Variants in TUBGCP3 observed in about 807,000 individuals in gnomAD.
TUBGCP3 encodes tubulin gamma complex component 3, also known as gamma-tubulin complex component 3.
In TUBGCP3, 50 loss-of-function variants were observed where a neutral mutation model predicts 123.1. That is an observed-to-expected ratio of 0.41 (90% CI 0.32 to 0.51). The LOEUF is 0.51. Among genes scored for constraint, TUBGCP3 ranks in the 20% least tolerant of loss-of-function variants. The pLI is 0.36. For missense variants in TUBGCP3, 882 were observed against 1,127.0 expected (o/e 0.78, Z 3.11); for synonymous variants, 405 against 413.9 (o/e 0.98, Z 0.26).
At chr13:112,544,924 C>T (rs541214799) in intron 11 of TUBGCP3, 1 of 152,348 alleles carries the variant, frequency 6.6e-6, no homozygotes, top group African/African-American at 2.4e-5. Context: ...CCATGAGAAA[C>T]GGCAGGAGAA....
chr13:112,590,745 T>C (rs186955774), upstream of TUBGCP3, among the ~76,000 whole-genome samples: 145 of 152,358 alleles, frequency 9.5e-4, 2 homozygotes, highest in East Asian at 9.6e-4. Context: ...ATTTCCATTG[T>C]GCCTATCACC....
chr13:112,592,631 G>A (rs1925888), upstream of TUBGCP3, among the ~76,000 whole-genome samples: 25,674 of 152,236 alleles, frequency 0.17, 3,379 homozygotes, highest in African/African-American at 0.36. The surrounding 1 kb of genome is among the most constrained non-coding windows in gnomAD (Gnocchi z 4.1). Context: ...AGTGCTGAAT[G>A]CAAAGTCAGA....
At chr13:112,572,657 C>T (rs1401484844) in intron 1 of TUBGCP3, among the ~76,000 whole-genome samples, 2 of 152,156 alleles carry the variant, frequency 1.3e-5, no homozygotes, top group African/African-American at 4.8e-5. Context: ...AACAGCTGGT[C>T]GGCAGAGTAG....
intron 3 of TUBGCP3, among the ~76,000 whole-genome samples, chr13:112,562,210 C>T (rs1000144822): frequency 6.6e-6 from 1 of 151,800 alleles, no homozygotes; most frequent in Non-Finnish European, 1.5e-5. Context: ...CAGCCAGGAC[C>T]CACTAGGGAC....
rs73566333 is a variant in TUBGCP3 at position 112,502,340 on chromosome 13, A to G, written c.2307+1692T>C. On this transcript the variant is annotated intron_variant, in intron 19 of 21. Coordinates refer to ENST00000261965, the MANE Select transcript of TUBGCP3 (RefSeq NM_006322.6). ...CGTGAGACAGGCCGTGCTGGCCAAC[A>G]GCACACGGGTCTAGGAACAGAGAGC... Among the ~76,000 whole-genome samples the G allele has an allele frequency of 9.2e-3, 1,401 of 152,236 alleles. 18 individuals are homozygous for G. Among genetic ancestry groups the G allele is most frequent in the African/African-American group, 0.032 (1,331 of 41,536 alleles).
At chr13:112,514,485 T>G (rs558233516) in intron 17 of TUBGCP3, among the ~76,000 whole-genome samples, 2 of 152,256 alleles carry the variant, frequency 1.3e-5, no homozygotes, top group East Asian at 3.9e-4. Context: ...GACCCCATCT[T>G]AAAAATAAAA....
chr13:112,537,870 C>T (rs530483463), intron 11 of TUBGCP3, among the ~76,000 whole-genome samples: 4 of 152,154 alleles, frequency 2.6e-5, no homozygotes, highest in South Asian at 4.2e-4. Context: ...TTTGGTAGTC[C>T]GTATGCTTCT....
Position 112,495,285 on chromosome 13 carries a change from TAAC to T in TUBGCP3, c.2448+3757_2448+3759del, listed in dbSNP as rs572871231. On this transcript the variant is annotated intron_variant, in intron 20 of 21. Coordinates refer to ENST00000261965, the MANE Select transcript of TUBGCP3 (RefSeq NM_006322.6). Reference sequence around the variant, plus strand: ...TAGTTTCTACACAACCAGACTTTTGTAACAACAACAAAATGCCAGCTTTCCTTC... The same window carrying T: ...TAGTTTCTACACAACCAGACTTTTGTAACAACAAAATGCCAGCTTTCCTTC... Among the ~76,000 whole-genome samples the T allele has an allele frequency of 3.2e-3, 493 of 152,326 alleles. 2 individuals carry two copies. Among genetic ancestry groups the T allele is most frequent in the Non-Finnish European group, 5.6e-3 (384 of 68,022 alleles).
the TUBGCP3 span, among the ~76,000 whole-genome samples, chr13:112,599,016 A>T: frequency 1.3e-5 from 2 of 152,112 alleles, no homozygotes; most frequent in African/African-American, 4.8e-5. Context: ...AAAGAAAGAA[A>T]AATGAACATA....
At chr13:112,566,964 A>T (rs1193710442) in intron 2 of TUBGCP3, among the ~76,000 whole-genome samples, 1 of 152,246 alleles carries the variant, frequency 6.6e-6, no homozygotes, top group Non-Finnish European at 1.5e-5. Flanking sequence ...ACTTCTCCAT[A>T]TTATTCCAAA....
At position 112,499,199 on chromosome 13, in the gene TUBGCP3, CAA is replaced by C; in HGVS notation, c.2308-16_2308-15del. On this transcript the variant is annotated splice_polypyrimidine_tract_variant and intron_variant, in intron 19 of 21. Coordinates refer to ENST00000261965, the MANE Select transcript of TUBGCP3 (RefSeq NM_006322.6). ...ATTTAAAAGTGCCTGAAAGAGATGA[CAA>C]TGTTTTATGAATAGAGCCTCAACCA... 2 of 1,593,932 alleles carry C rather than the reference CAA, an allele frequency of 1.3e-6. No individual in the cohort carries two copies. The highest frequency in any genetic ancestry group is 1.7e-6 in the Non-Finnish European group (2 of 1,172,046).
intron 8 of TUBGCP3, among the ~76,000 whole-genome samples, chr13:112,550,387 G>A (rs374812733): frequency 6.6e-6 from 1 of 152,108 alleles, no homozygotes; most frequent in South Asian, 2.1e-4. Context: ...TAAGACAAAT[G>A]TGAACATTTT....
At chr13:112,522,936 G>GT (rs1326986801) in intron 13 of TUBGCP3, among the ~76,000 whole-genome samples, 2 of 152,302 alleles carry the variant, frequency 1.3e-5, no homozygotes, top group African/African-American at 2.4e-5. Flanking sequence ...TTGAGTAGTA[G>GT]TATCATGCAC....
At chr13:112,522,175 T>G (rs1214318000) in intron 14 of TUBGCP3, 145 bp downstream of exon 14, 2 of 867,424 alleles carry the variant, frequency 2.3e-6, no homozygotes, top group African/African-American at 3.4e-5. Context: ...TTTGAAAATT[T>G]TACATTCTTT....
At chr13:112,498,449 T>A (rs1033537007) in intron 20 of TUBGCP3, among the ~76,000 whole-genome samples, 1 of 152,232 alleles carries the variant, frequency 6.6e-6, no homozygotes, top group Admixed American at 6.5e-5. Flanking sequence ...ACAAAGTTTG[T>A]GTACAATAAG....
At chr13:112,536,917 G>A (rs933757205) in intron 11 of TUBGCP3, among the ~76,000 whole-genome samples, 4 of 151,994 alleles carry the variant, frequency 2.6e-5, no homozygotes, top group Non-Finnish European at 4.4e-5. Context: ...GACTACAGGT[G>A]TGCACCACTA....
intron 11 of TUBGCP3, among the ~76,000 whole-genome samples, chr13:112,528,421 C>T (rs113198810): frequency 0.014 from 2,193 of 152,288 alleles, 53 homozygotes; most frequent in African/African-American, 0.049. Context: ...TTTTGCCAGT[C>T]AGGTGGAATC....
At chr13:112,562,715 TTCAGACCTGCCACCTCAG>T (rs1880614821) in intron 3 of TUBGCP3, among the ~76,000 whole-genome samples, 1 of 152,162 alleles carries the variant, frequency 6.6e-6, no homozygotes, top group Non-Finnish European at 1.5e-5. Flanking sequence ...CCGAAATCAC[TTCAGACCTGCCACCTCAG>T]ACTCTGAACT....
the TUBGCP3 span, among the ~76,000 whole-genome samples, chr13:112,595,920 A>T: frequency 6.6e-6 from 1 of 151,988 alleles, no homozygotes; most frequent in Non-Finnish European, 1.5e-5. Context: ...AATTTTTTTT[A>T]GAATTCCAGT....
Sources: allele counts gnomAD v4.1 joint callset (sites outside exome capture counted in the v4.1 genomes callset), GRCh38; gene constraint gnomAD v4.1.1; non-coding constraint Gnocchi (gnomAD v3.1); transcripts MANE v1.5; gene names NCBI Gene and HGNC (gene_info 2026-07-23, HGNC 2026-07-21).